NAXD: variants seen among roughly 807,000 people sequenced by gnomAD.
NAXD encodes NAD(P)HX dehydratase.
A neutral mutation model predicts 35.8 loss-of-function variants in NAXD; 22 were observed. The ratio of observed to expected loss-of-function variants is 0.62; its 90% confidence interval spans 0.44 to 0.88. The LOEUF is 0.88. Ranked by LOEUF, NAXD falls within the 40% of genes least tolerant of loss-of-function variation. The pLI, the probability that NAXD is intolerant of heterozygous loss-of-function variation, is 0.00. For missense variants in NAXD, 428 were observed against 437.7 expected (o/e 0.98, Z 0.20); for synonymous variants, 189 against 177.6 (o/e 1.06, Z -0.51).
intron 1 of NAXD, among the ~76,000 whole-genome samples, chr13:110,617,100 C>T (rs947316221): frequency 1.3e-5 from 2 of 152,150 alleles, no homozygotes; most frequent in Non-Finnish European, 2.9e-5. Context: ...ATCAGACTGC[C>T]TAAACTTTTA....
intron 2 of NAXD, among the ~76,000 whole-genome samples, chr13:110,623,786 T>C (rs1169604571): frequency 6.6e-6 from 1 of 152,196 alleles, no homozygotes; most frequent in East Asian, 1.9e-4. Flanking sequence ...GCGGATCACC[T>C]GAGGTTGGGA....
At position 110,639,262 on chromosome 13, in the gene NAXD, C is replaced by G; in HGVS notation, c.*734C>G. 1 of 155,982 alleles carries G rather than the reference C, an allele frequency of 6.4e-6. No homozygotes were observed. Among genetic ancestry groups the G allele is most frequent in the South Asian group, 1.9e-4 (1 of 5,182 alleles). 9.7% of individuals were successfully genotyped at this position (155,982 alleles called of 1,614,324 possible). On this transcript the variant is annotated 3_prime_UTR_variant, in exon 10 of 10. Transcript: ENST00000680254. ...GTGTCCGTGTCTACACAGGGGTCCCCATGATACCCACCGGCCCCAGCAGGG... is the reference window on the plus strand; with the variant it reads ...GTGTCCGTGTCTACACAGGGGTCCCGATGATACCCACCGGCCCCAGCAGGG...
At chr13:110,618,449 A>G (rs1007681959) in intron 1 of NAXD, among the ~76,000 whole-genome samples, 3 of 152,200 alleles carry the variant, frequency 2.0e-5, no homozygotes, top group Non-Finnish European at 4.4e-5. Flanking sequence ...GCTTCAAAAC[A>G]CTACCTTCTG....
At chr13:110,624,133 C>T (rs1204848659) in intron 2 of NAXD, 101 bp from the exon 3 acceptor site, 2 of 713,350 alleles carry the variant, frequency 2.8e-6, no homozygotes, top group Non-Finnish European at 5.0e-6. Flanking sequence ...TAAACCATGT[C>T]TATATTATTT....
Position 110,638,477 on chromosome 13 carries a change from C to T in NAXD, c.939C>T (p.Ser313=), listed in dbSNP as rs114275451. 1.1e-3 allele frequency: 1,700 copies of T among 1,613,212 alleles called. 17 individuals are homozygous for T. The African/African-American group carries it at 0.018, about 17-fold the overall frequency. ...AGCACGGTCGCTCCACCACCACCTC[C>T]GACATGATCGCCGAGGTGGGGGCCG... ...FQKHGRSTTT[S]DMIAEVGAAF... is the part of the protein sequence containing the mutation. Residue 313 remains serine (S), a synonymous_variant, in exon 10 of 10, where the codon TCC becomes TCT. Coordinates refer to ENST00000680254, the MANE Select transcript of NAXD (RefSeq NM_001242882.2). This position sits in a 1 kb window ranked among gnomAD's most constrained non-coding sequence, Gnocchi z 5.4.
Position 110,638,122 on chromosome 13 carries a change from CTG to C in NAXD, c.840-251_840-250del. The C allele has an allele frequency of 9.8e-7, 1 of 1,017,752 alleles. No homozygotes were observed. Among genetic ancestry groups the C allele is most frequent in the Non-Finnish European group, 1.5e-6 (1 of 681,878 alleles). The allele number at this position is 1,017,752 out of a possible 1,614,324, so 63.0% of individuals were successfully genotyped here. Reference sequence around the variant, plus strand: ...GCTTTCCCCGGGAACACCTGGCCCACTGTGTGCCCTAGCCCTGGACCTGTCTC... The same window carrying C: ...GCTTTCCCCGGGAACACCTGGCCCACTGTGCCCTAGCCCTGGACCTGTCTC... On this transcript the variant is annotated intron_variant, in intron 9 of 9. Transcript: ENST00000680254. This position sits in a 1 kb window ranked among gnomAD's most constrained non-coding sequence, Gnocchi z 5.4.
rs572766208 is a variant in NAXD, at chr13:110,638,988, C to A, written c.*460C>A. 5.8e-6 allele frequency: 2 copies of A among 343,678 alleles called. No homozygotes were observed. The highest frequency in any genetic ancestry group is 1.1e-5 in the Non-Finnish European group (2 of 174,552). The allele number at this position is 343,678 out of a possible 1,614,324, so 21.3% of individuals were successfully genotyped here. A position where few individuals can be genotyped will look rare whatever the true frequency, so the allele number is the denominator to read the frequency against. ...GGTCCCCGGGTGTCTCCCTGAGTCC[C>A]GACTGCACTGACTGGGTCCATCAGA... On this transcript the variant is annotated 3_prime_UTR_variant, in exon 10 of 10. Coordinates refer to ENST00000680254, the MANE Select transcript of NAXD (RefSeq NM_001242882.2). This position sits in a 1 kb window ranked among gnomAD's most constrained non-coding sequence, Gnocchi z 5.4.
At position 110,628,340 on chromosome 13, in the gene NAXD, C is replaced by T. The variant is rs750722550; in HGVS notation, c.441+793C>T. Reference sequence around the variant, plus strand: ...CACAGTGTGCCAGATGGCTTGGTGCCACAGGGTGCTCACATGTGCAAGGCG... The same window carrying T: ...CACAGTGTGCCAGATGGCTTGGTGCTACAGGGTGCTCACATGTGCAAGGCG... On this transcript the variant is annotated intron_variant, in intron 5 of 9. Coordinates refer to ENST00000680254, the MANE Select transcript of NAXD (RefSeq NM_001242882.2). The surrounding 1 kb of genome is among the most constrained non-coding windows in gnomAD (Gnocchi z 4.1). 1.3e-5 allele frequency among the ~76,000 whole-genome samples: 2 copies of T among 152,152 alleles called. No individual in the cohort carries two copies. The highest frequency in any genetic ancestry group is 2.4e-5 in the African/African-American group (1 of 41,428).
intron 7 of NAXD, 94 bp from the exon 8 acceptor site, chr13:110,635,374 G>T: frequency 5.5e-6 from 8 of 1,450,398 alleles, no homozygotes; most frequent in Non-Finnish European, 7.6e-6. Context: ...TTAGACACGA[G>T]AGCATGAGTC....
At chr13:110,629,287 G>A (rs577302855) in intron 5 of NAXD, among the ~76,000 whole-genome samples, 1 of 152,304 alleles carries the variant, frequency 6.6e-6, no homozygotes, top group South Asian at 2.1e-4. Context: ...AAACTGCAGA[G>A]ATGGTTTTTT....
At position 110,615,601 on chromosome 13, in the gene NAXD, G is replaced by C; in HGVS notation, c.-1G>C. On this transcript the variant is annotated 5_prime_UTR_variant, in exon 1 of 10. Transcript: ENST00000680254. ...CAGCTGGGAATCCGGAATGCTGCCC[G>C]ATGGCCCTGGGTCCTCGCTGTGGGG... The C allele has an allele frequency of 7.1e-7, 1 of 1,403,712 alleles. No individual in the cohort carries two copies. The highest frequency in any genetic ancestry group is 9.3e-7 in the Non-Finnish European group (1 of 1,079,696). The allele number at this position is 1,403,712 out of a possible 1,614,324, so 87.0% of individuals were successfully genotyped here.
intron 1 of NAXD, among the ~76,000 whole-genome samples, chr13:110,618,182 T>C (rs1306932226): frequency 6.6e-6 from 1 of 152,242 alleles, no homozygotes; most frequent in African/African-American, 2.4e-5. Flanking sequence ...ATTAATTATA[T>C]TATGAGTTTA....
In NAXD at chr13:110,635,407, A is replaced by G. The variant is rs1044159504; in HGVS notation, c.598-61A>G. On this transcript the variant is annotated intron_variant, in intron 7 of 9. Transcript: ENST00000680254. ...GTCTCATGGCGGATGGGACAGGGCT[A>G]TCTGTCGTCGTGTGTCTGAGGAAGA... 37 of 1,583,522 alleles carry G rather than the reference A, an allele frequency of 2.3e-5. 1 individual carries two copies. The highest frequency in any genetic ancestry group is 1.4e-4 in the South Asian group (12 of 88,770).
rs1886845296 is a variant in NAXD, at chr13:110,634,588, T to A, written c.485T>A (p.Ile162Asn). 3.1e-6 allele frequency: 5 copies of A among 1,614,224 alleles called. No homozygotes were observed. The East Asian group carries it at 1.1e-4, about 36-fold the overall frequency. The change falls in exon 6 of 10, where the codon ATC becomes AAC. Residue 162 changes from isoleucine (I) to asparagine (N), a missense_variant. Physicochemically the swap from Ile to Asn is moderately radical, Grantham distance 149. Around this residue, in one of 3 missense-constraint regions of NAXD, gnomAD observed 11 missense variants for 30.0 expected, o/e 0.37. Transcript: ENST00000680254. ...AAGGCCAGGGACATCCCTGTTGTCATCGACGCGGTGAGTTGACTTCTCTCC... is the reference window on the plus strand; with the variant it reads ...AAGGCCAGGGACATCCCTGTTGTCAACGACGCGGTGAGTTGACTTCTCTCC... ...VSKARDIPVV[I>N]DADGLWLVAQ...
Position 110,636,435 on chromosome 13 carries a change from T to TA in NAXD, c.719-693dup, listed in dbSNP as rs143005516. ...GCACGCCCTTGCACACTCGCACTTA[T>TA]ACACATGCATGGTCATGCTCACAGC... On this transcript the variant is annotated intron_variant, in intron 8 of 9. Coordinates refer to ENST00000680254, the MANE Select transcript of NAXD (RefSeq NM_001242882.2). 2.6e-4 allele frequency among the ~76,000 whole-genome samples: 40 copies of TA among 152,224 alleles called. 1 individual carries two copies. The highest frequency in any genetic ancestry group is 8.5e-4 in the Admixed American group (13 of 15,288).
In NAXD at chr13:110,622,183, C is replaced by G. The variant is rs746689108; in HGVS notation, c.47-33C>G. On this transcript the variant is annotated intron_variant, in intron 1 of 9. Transcript: ENST00000680254. ...ATGTGTACTAACAATATCTGTTTAC[C>G]TTTCTGAATTATTCATTTTTCTTGT... The G allele has an allele frequency of 3.8e-6, 6 of 1,581,596 alleles. No individual in the cohort carries two copies. The Admixed American group carries it at 1.1e-4, about 28-fold the overall frequency.
At chr13:110,625,152 A>C (rs756955927) in intron 3 of NAXD, 38 bp from the exon 4 acceptor site, 17 of 1,510,934 alleles carry the variant, frequency 1.1e-5, no homozygotes, top group Admixed American at 1.7e-5. Flanking sequence ...GCGATGCCGG[A>C]GCGATCCCTG....
intron 5 of NAXD, among the ~76,000 whole-genome samples, chr13:110,632,281 G>C (rs757838283): frequency 2.5e-4 from 38 of 152,172 alleles, no homozygotes; most frequent in Non-Finnish European, 4.7e-4. Context: ...GGCTTCAGGA[G>C]TGAAGCTGCA....
At chr13:110,615,492 A>G (rs1202244236), upstream of NAXD, 1 of 1,036,020 alleles carries the variant, frequency 9.7e-7, no homozygotes, top group East Asian at 3.3e-5. Context: ...GCGAGTTGGG[A>G]TCCCACTGCC....
Sources: allele counts gnomAD v4.1 joint callset (sites outside exome capture counted in the v4.1 genomes callset), GRCh38; gene constraint gnomAD v4.1.1; regional missense constraint gnomAD v4.1.1; non-coding constraint Gnocchi (gnomAD v3.1); transcripts MANE v1.5; gene names NCBI Gene and HGNC (gene_info 2026-07-23, HGNC 2026-07-21).